The following PAK3 variants were observed in gnomAD, a reference collection of about 807,000 sequenced individuals.
PAK3 encodes serine/threonine-protein kinase PAK 3.
A neutral mutation model predicts 41.0 loss-of-function variants in PAK3; 4 were observed. The ratio of observed to expected loss-of-function variants is 0.10; its 90% CI spans 0.05 to 0.22. The LOEUF is 0.22. Among genes scored for constraint, PAK3 ranks in the 10% least tolerant of loss-of-function variants. The probability of loss-of-function intolerance (pLI) is 1.00; values close to 1 mark genes in which losing one functional copy is unlikely to be tolerated. For synonymous variants in PAK3, 146 were observed against 139.6 expected (o/e 1.05, Z -0.32); for missense variants, 205 against 409.9 (o/e 0.50, Z 4.32).
chrX:111,130,772 T>C, intron 5 of PAK3, among the ~76,000 whole-genome samples: 1 of 112,096 alleles, frequency 8.9e-6, no homozygotes, highest in African/African-American at 3.2e-5. Flanking sequence ...TGTTACTTAG[T>C]ATATTGCCAT....
At position 111,103,246 on chromosome X, in the gene PAK3, C is replaced by T. The variant is rs1202351671; in HGVS notation, c.-88C>T. ...GAGTCTGTAGGAGCTGAAGCCAGCC[C>T]GGACCCTTCTCATGGGCAGTGCCCA... On this transcript the variant is annotated 5_prime_UTR_variant, in exon 4 of 18. Coordinates refer to ENST00000372007, the MANE Select transcript of PAK3 (RefSeq NM_002578.5). 8.9e-6 allele frequency: 1 copy of T among 112,122 alleles called. No individual in the cohort carries two copies. Among genetic ancestry groups the T allele is most frequent in the Admixed American group, 9.4e-5 (1 of 10,636 alleles). The allele number at this position is 112,122 out of a possible 1,213,427, so 9.2% of individuals were successfully genotyped here. A position where few individuals can be genotyped will look rare whatever the true frequency, so the allele number is the denominator to read the frequency against.
At chrX:111,176,381 T>A (rs184834949) in intron 11 of PAK3, among the ~76,000 whole-genome samples, 46 of 110,549 alleles carry the variant, frequency 4.2e-4, no homozygotes, top group African/African-American at 1.5e-3. Context: ...GAATAGCCAA[T>A]GCATGCGGGG....
chrX:111,143,191 G>T (rs778135296), intron 6 of PAK3, among the ~76,000 whole-genome samples: 45 of 111,004 alleles, frequency 4.1e-4, no homozygotes, highest in African/African-American at 1.2e-3. Flanking sequence ...AAACCAGAGA[G>T]AAATTTACAT....
intron 1 of PAK3, among the ~76,000 whole-genome samples, chrX:110,946,515 T>A (rs992996761): frequency 1.8e-5 from 2 of 112,433 alleles, no homozygotes; most frequent in African/African-American, 6.5e-5. Context: ...TGGACAATAT[T>A]TACATTGCAG....
At chrX:111,067,312 G>A (rs775980644) in intron 1 of PAK3, among the ~76,000 whole-genome samples, 2 of 111,594 alleles carry the variant, frequency 1.8e-5, no homozygotes, top group Non-Finnish European at 1.9e-5. Flanking sequence ...TATTGCCCGA[G>A]TAAGTGCCTT....
intron 4 of PAK3, among the ~76,000 whole-genome samples, chrX:111,118,032 A>G (rs1423640246): frequency 1.8e-5 from 2 of 111,752 alleles, no homozygotes; most frequent in Non-Finnish European, 3.8e-5. Context: ...CCGCTTTGGC[A>G]TCTTAGTATA....
At chrX:111,080,472 A>G (rs2092825265) in intron 1 of PAK3, among the ~76,000 whole-genome samples, 2 of 112,571 alleles carry the variant, frequency 1.8e-5, no homozygotes, top group Non-Finnish European at 1.9e-5. Context: ...ACATAATACT[A>G]TTGCATACTT....
intron 1 of PAK3, among the ~76,000 whole-genome samples, chrX:110,976,971 T>C (rs1372539864): frequency 1.1e-5 from 1 of 88,919 alleles, no homozygotes; most frequent in African/African-American, 4.3e-5. Context: ...GTTGGGGGGC[T>C]GGGGGAAGGA....
chrX:111,040,003 A>G (rs2092438160), intron 1 of PAK3, among the ~76,000 whole-genome samples: 1 of 108,403 alleles, frequency 9.2e-6, no homozygotes, highest in East Asian at 3.0e-4. Context: ...GCAAAAAAAA[A>G]AAAAAAAAAA....
At chrX:111,142,976 G>C (rs960265810) in intron 6 of PAK3, among the ~76,000 whole-genome samples, 1 of 110,680 alleles carries the variant, frequency 9.0e-6, no homozygotes, top group Non-Finnish European at 1.9e-5. Context: ...AAAAGAACTG[G>C]TATCTTTTTT....
rs1213489142 is a variant in PAK3, at chrX:111,001,925, A to G, written c.-28+57297A>G. 1.4e-4 allele frequency among the ~76,000 whole-genome samples: 15 copies of G among 109,450 alleles called. No homozygotes were observed. The Admixed American group carries it at 1.5e-3, about 11-fold the overall frequency. On this transcript the variant is annotated intron_variant, in intron 1 of 14. Transcript: ENST00000425146. Reference sequence around the variant, plus strand: ...AACATCTTTGACCAGTCCACACAAGAGTGCTTAAAAAAAAAAAAAGATTGT... The same window carrying G: ...AACATCTTTGACCAGTCCACACAAGGGTGCTTAAAAAAAAAAAAAGATTGT...
At chrX:111,187,144 AATC>A (rs1228058266) in intron 11 of PAK3, among the ~76,000 whole-genome samples, 1 of 112,306 alleles carries the variant, frequency 8.9e-6, no homozygotes, top group Non-Finnish European at 1.9e-5. Context: ...TAAAGCTTTT[AATC>A]ATCATGTGAT....
Sources: gnomAD v4.1 joint callset for allele counts (sites outside exome capture counted in the v4.1 genomes callset) on GRCh38, gnomAD v4.1.1 for gene constraint, MANE v1.5 for transcripts, NCBI Gene and HGNC (gene_info 2026-07-23, HGNC 2026-07-21) for gene names.